The following LTBP3 variants were observed in gnomAD, a reference collection of about 807,000 sequenced individuals.
LTBP3 encodes latent transforming growth factor beta binding protein 3.
A neutral mutation model predicts 159.7 loss-of-function variants in LTBP3; 97 were observed. The ratio of observed to expected loss-of-function variants is 0.61; its 90% CI spans 0.52 to 0.72. The LOEUF (loss-of-function observed/expected upper bound fraction) is 0.72, where lower values mean the gene tolerates loss of function less well. LTBP3 is among the 30% of genes least tolerant of loss of function. The pLI is 0.00. For missense variants in LTBP3, 1,584 were observed against 1,864.3 expected (o/e 0.85, Z 2.77); for synonymous variants, 824 against 777.1 (o/e 1.06, Z -1.00).
chr11:65,555,678 G>T (rs1274511071), intron 1 of LTBP3, among the ~76,000 whole-genome samples: 2 of 152,200 alleles, frequency 1.3e-5, no homozygotes, highest in Non-Finnish European at 2.9e-5. Context: ...CTGAGGGAGA[G>T]GATGGGACCT....
intron 1 of LTBP3, among the ~76,000 whole-genome samples, chr11:65,555,580 C>T (rs935733914): frequency 1.3e-5 from 2 of 152,178 alleles, no homozygotes; most frequent in African/African-American, 4.8e-5. Flanking sequence ...CTGTCTGCCT[C>T]CTTATAGAGG....
At chr11:65,545,617 T>A (rs1391283772) in intron 16 of LTBP3, 1 of 229,806 alleles carries the variant, frequency 4.4e-6, no homozygotes, top group Non-Finnish European at 8.6e-6. Flanking sequence ...CATCGTCTCA[T>A]GGCCATCCTG....
In LTBP3 at chr11:65,543,099, C is replaced by T. The variant is rs775117463; in HGVS notation, c.2596+6G>A. On this transcript the variant is annotated splice_donor_region_variant and intron_variant, in intron 18 of 27. Transcript: ENST00000301873. ...CCCTCAGGAACCCTCAGCCAGTCCC[C>T]CATACCTTGGCATTTCCTGCCACCC... 2 of 1,613,898 alleles carry T rather than the reference C, an allele frequency of 1.2e-6. No individual in the cohort carries two copies. Among genetic ancestry groups the T allele is most frequent in the Admixed American group, 1.7e-5 (1 of 60,018 alleles).
At chr11:65,543,282 G>A (rs2135131104) in intron 17 of LTBP3, 58 bp from the exon 18 acceptor site, 1 of 1,613,228 alleles carries the variant, frequency 6.2e-7, no homozygotes, top group Non-Finnish European at 8.5e-7. Context: ...CCCAGCCTGA[G>A]GCAGCCAAAG....
chr11:65,546,833 G>A lies in LTBP3; in HGVS notation c.2195C>T (p.Pro732Leu). Residue 732 changes from proline to leucine, a missense_variant, in exon 15 of 28, where the codon CCT becomes CTT. By Grantham distance (98) the Pro-to-Leu change is moderately conservative. Around this residue, in one of 6 missense-constraint regions of LTBP3, gnomAD observed 565 missense variants for 677.7 expected, o/e 0.83. Transcript: ENST00000301873. This position sits in a 1 kb window ranked among gnomAD's most constrained non-coding sequence, Gnocchi z 4.0. Reference protein sequence around the residue: ...PGSFKCIACQPGYRSQGGGAC... With the variant: ...PGSFKCIACQLGYRSQGGGAC... ...CCCGCCCCCCTGGCTGCGGTAGCCA[G>A]GCTGACAGGCGATGCACTTGAAGCT... The A allele has an allele frequency of 6.2e-7, 1 of 1,609,522 alleles. No individual in the cohort carries two copies. Among genetic ancestry groups the A allele is most frequent in the South Asian group, 1.1e-5 (1 of 91,084 alleles).
Position 65,543,431 on chromosome 11 carries a change from G to T in LTBP3, c.2472C>A (p.Cys824Ter). The T allele has an allele frequency of 6.2e-7, 1 of 1,613,930 alleles. No individual in the cohort carries two copies. Residue 824 changes from cysteine to a stop codon, truncating the protein, a stop_gained, in exon 17 of 28, where the codon TGC (cysteine) becomes TGA (stop). Coordinates refer to ENST00000301873, the MANE Select transcript of LTBP3 (RefSeq NM_001130144.3). LOFTEE classifies it high-confidence loss of function. ...GYHLSRDRSH[C>*]EDIDECDFPA... ...CCCAGCTCTAAGATCCCTCACCCTC[G>T]CAGTGGCTCCGGTCCCTGGACAGAT...
intron 16 of LTBP3, 80 bp from the exon 17 acceptor site, chr11:65,543,629 G>A (rs1856249268): frequency 1.3e-6 from 2 of 1,576,940 alleles, no homozygotes; most frequent in East Asian, 2.2e-5. Context: ...TCTGCGCATG[G>A]CCTGGAGCAC....
In LTBP3 at chr11:65,553,260, C is replaced by A. The variant is rs1565100358; in HGVS notation, c.971-4G>T. ...CCTGGCTTCTGCACTCCTGTGTCTG[C>A]AGAGAGAGGATAGCTTGGCAGGGGA... On this transcript the variant is annotated splice_region_variant and splice_polypyrimidine_tract_variant and intron_variant, in intron 4 of 27. Transcript: ENST00000301873. This position sits in a 1 kb window ranked among gnomAD's most constrained non-coding sequence, Gnocchi z 6.5. 1.2e-6 allele frequency: 2 copies of A among 1,612,760 alleles called. No homozygotes were observed. Among genetic ancestry groups the A allele is most frequent in the East Asian group, 2.2e-5 (1 of 44,866 alleles).
chr11:65,552,722 T>G lies in LTBP3; in HGVS notation c.1186+138A>C. The G allele has an allele frequency of 4.7e-6, 6 of 1,286,748 alleles. No homozygotes were observed. The highest frequency in any genetic ancestry group is 6.7e-6 in the Non-Finnish European group (6 of 896,204). The allele number at this position is 1,286,748 out of a possible 1,614,324, so 79.7% of individuals were successfully genotyped here. On this transcript the variant is annotated intron_variant, in intron 6 of 27. Transcript: ENST00000301873. The surrounding 1 kb of genome is among the most constrained non-coding windows in gnomAD (Gnocchi z 6.0). ...GATCTCATGTGACCCCGGACCCTGCTGATCCCTGATCCTATTGGCTCTGGG... is the reference window on the plus strand; with the variant it reads ...GATCTCATGTGACCCCGGACCCTGCGGATCCCTGATCCTATTGGCTCTGGG...
intron 11 of LTBP3, among the ~76,000 whole-genome samples, chr11:65,549,939 TAAAA>T (rs937068733): frequency 1.3e-5 from 2 of 151,544 alleles, no homozygotes; most frequent in South Asian, 2.1e-4. Flanking sequence ...ACTAAACAAA[TAAAA>T]AGAAAGAAAG....
rs779705939 is a variant in LTBP3, at chr11:65,543,134, T to C, written c.2567A>G (p.His856Arg). The C allele has an allele frequency of 1.2e-6, 2 of 1,614,160 alleles. No individual in the cohort carries two copies. Among genetic ancestry groups the C allele is most frequent in the South Asian group, 1.1e-5 (1 of 91,086 alleles). The change falls in exon 18 of 28, where the codon CAT becomes CGT. Residue 856 changes from histidine (H) to arginine (R), a missense_variant. Transcript: ENST00000301873. ...GCATTTCCTGCCACCCACCAGCCGA[T>C]GCCCCTGGGGGCAAAGACATCTGTA... ...GSYRCLCPQG[H>R]RLVGGRKCQD...
Position 65,554,373 on chromosome 11 carries a change from G to A in LTBP3, c.339C>T (p.Cys113=). 2.5e-6 allele frequency: 4 copies of A among 1,611,424 alleles called. No individual in the cohort carries two copies. The highest frequency in any genetic ancestry group is 1.7e-6 in the Non-Finnish European group (2 of 1,179,422). ...GGCCGCCATTCATGCAGGGGAGAGG[G>A]CACACCACTGGGGAGAAGAGTGGGG... The part of the protein sequence containing the change: ...LTGSGFRVVV[C]PLPCMNGGQC... The change falls in exon 2 of 28, where the codon TGC becomes TGT. Residue 113 remains cysteine (C), a synonymous_variant. Transcript: ENST00000301873. The surrounding 1 kb of genome is among the most constrained non-coding windows in gnomAD (Gnocchi z 5.3).
rs1288422500 is a variant in LTBP3, at chr11:65,546,562, C to T, written c.2233G>A (p.Val745Met). 1 of 1,602,184 alleles carries T rather than the reference C, an allele frequency of 6.2e-7. No homozygotes were observed. The change falls in exon 16 of 28, where the codon GTG becomes ATG. Residue 745 changes from valine (V) to methionine (M), a missense_variant and splice_region_variant. Transcript: ENST00000301873. The surrounding 1 kb of genome is among the most constrained non-coding windows in gnomAD (Gnocchi z 4.0). Reference protein sequence around the residue: ...RSQGGGACRDVNECAEGSPCS... With the variant: ...RSQGGGACRDMNECAEGSPCS... ...GGGCTGCCCTCGGCGCACTCGTTCACGTCTGCGGCGGAAAGACCTAGCCTC... is the reference window on the plus strand; with the variant it reads ...GGGCTGCCCTCGGCGCACTCGTTCATGTCTGCGGCGGAAAGACCTAGCCTC...
chr11:65,554,349 G>A lies in LTBP3; in HGVS notation c.363C>T (p.Gly121=), dbSNP rs752022340. 8 of 1,612,278 alleles carry A rather than the reference G, an allele frequency of 5.0e-6. No homozygotes were observed. Among genetic ancestry groups the A allele is most frequent in the Middle Eastern group, 3.3e-4 (2 of 6,052 alleles). The change falls in exon 2 of 28, where the codon GGC becomes GGT. Residue 121 remains glycine, a synonymous_variant. Transcript: ENST00000301873. The surrounding 1 kb of genome is among the most constrained non-coding windows in gnomAD (Gnocchi z 5.3). ...GGCACTGGTTTCGCGAGGAGCACTG[G>A]CCGCCATTCATGCAGGGGAGAGGGC... ...VVCPLPCMNG[G]QCSSRNQCLC...
At position 65,539,396 on chromosome 11, in the gene LTBP3, C is replaced by G. The variant is rs1247009278; in HGVS notation, c.3692G>C (p.Arg1231Pro). ...CRCVSGRCVP[R>P]PGGAVCECPG... is the part of the protein sequence containing the mutation. ...ACACTCGCACACGGCGCCGCCCGGC[C>G]GCGGCACGCAGCGGCCACTCACGCA... Residue 1231 changes from arginine to proline, a missense_variant, in exon 27 of 28, where the codon CGG becomes CCG. By Grantham distance (103) the Arg-to-Pro change is moderately radical (BLOSUM62 -2). This residue lies in a region of LTBP3 where 514 missense variants were observed against 530.3 expected (regional missense o/e 0.97). Transcript: ENST00000301873. 6.5e-7 allele frequency: 1 copy of G among 1,547,652 alleles called. No individual in the cohort carries two copies. The highest frequency in any genetic ancestry group is 8.7e-7 in the Non-Finnish European group (1 of 1,145,218).
intron 18 of LTBP3, chr11:65,542,852 T>C: frequency 2.0e-6 from 1 of 511,768 alleles, no homozygotes; most frequent in South Asian, 1.9e-5. Flanking sequence ...ATCATTGTTA[T>C]TCTAGGTGAA....
chr11:65,551,110 G>A lies in LTBP3; in HGVS notation c.1720+16C>T. 3 of 1,549,508 alleles carry A rather than the reference G, an allele frequency of 1.9e-6. No individual in the cohort carries two copies. Among genetic ancestry groups the A allele is most frequent in the Non-Finnish European group, 2.6e-6 (3 of 1,146,436 alleles). ...GCGTGGCCTAGGCAGGGGTGGCTTTGCTGGGCGGGCCTTACCTGTGACCTG... is the reference window on the plus strand; with the variant it reads ...GCGTGGCCTAGGCAGGGGTGGCTTTACTGGGCGGGCCTTACCTGTGACCTG... On this transcript the variant is annotated intron_variant, in intron 11 of 27. Coordinates refer to ENST00000301873, the MANE Select transcript of LTBP3 (RefSeq NM_001130144.3).
At position 65,558,010 on chromosome 11, in the gene LTBP3, G is replaced by T. The variant is rs1856872302; in HGVS notation, c.-51C>A. 3.6e-6 allele frequency: 4 copies of T among 1,099,658 alleles called. No individual in the cohort carries two copies. Among genetic ancestry groups the T allele is most frequent in the Non-Finnish European group, 4.4e-6 (4 of 903,510 alleles). 68.1% of individuals were successfully genotyped at this position (1,099,658 alleles called of 1,614,324 possible). ...GGGGGCGCGCCCGGGCGGGGCGAGG[G>T]GCCCGCGCCCGAAGGGAGTAGAGGG... On this transcript the variant is annotated 5_prime_UTR_variant, in exon 1 of 28. Transcript: ENST00000301873.
rs770378505 is a variant in LTBP3 at position 65,540,341 on chromosome 11, C to T, written c.3148G>A (p.Val1050Met). 19 of 1,585,844 alleles carry T rather than the reference C, an allele frequency of 1.2e-5. No homozygotes were observed. The Admixed American group carries it at 2.4e-4, about 20-fold the overall frequency. The part of the protein sequence containing the change: ...CLDESNCRNG[V>M]CENTRGGYRC... ...TAGCCGCCGCGCGTGTTCTCACACACTCCGTTCCGGCAGTTGGACTCGTCC... is the reference window on the plus strand; with the variant it reads ...TAGCCGCCGCGCGTGTTCTCACACATTCCGTTCCGGCAGTTGGACTCGTCC... Residue 1050 changes from valine (V) to methionine (M), a missense_variant, in exon 23 of 28, where the codon GTG becomes ATG. Physicochemically the swap from Val to Met is conservative, Grantham distance 21 (BLOSUM62 1). This residue lies in a region of LTBP3 where 514 missense variants were observed against 530.3 expected (regional missense o/e 0.97). Transcript: ENST00000301873.
Sources: gnomAD v4.1 joint callset for allele counts (sites outside exome capture counted in the v4.1 genomes callset) on GRCh38, gnomAD v4.1.1 for gene constraint, gnomAD v4.1.1 regional missense constraint, Gnocchi (gnomAD v3.1) non-coding constraint, MANE v1.5 for transcripts, NCBI Gene and HGNC (gene_info 2026-07-23, HGNC 2026-07-21) for gene names.